Variants in DNAJC5B observed in about 807,000 individuals in gnomAD.
DNAJC5B encodes DnaJ heat shock protein family (Hsp40) member C5 beta, also known as dnaJ homolog subfamily C member 5B.
A neutral mutation model predicts 24.7 loss-of-function variants in DNAJC5B; 23 were observed. The ratio of observed to expected loss-of-function variants is 0.93; its 90% CI spans 0.67 to 1.32. DNAJC5B has a LOEUF of 1.32. DNAJC5B is among the 40% of genes most tolerant of loss of function. DNAJC5B has a pLI of 0.00. For synonymous variants in DNAJC5B, 101 were observed against 90.1 expected (o/e 1.12, Z -0.68); for missense variants, 238 against 240.8 (o/e 0.99, Z 0.08).
At chr8:66,095,443 C>G (rs1264420793) in intron 5 of DNAJC5B, among the ~76,000 whole-genome samples, 1 of 151,452 alleles carries the variant, frequency 6.6e-6, no homozygotes, top group Non-Finnish European at 1.5e-5. Flanking sequence ...CACCAGATGT[C>G]TTACAATATT....
At chr8:66,076,070 T>C (rs1807454730) in intron 3 of DNAJC5B, among the ~76,000 whole-genome samples, 1 of 152,316 alleles carries the variant, frequency 6.6e-6, no homozygotes, top group Non-Finnish European at 1.5e-5. Context: ...GATTATTAAG[T>C]GGAAAACCCT....
intron 3 of DNAJC5B, among the ~76,000 whole-genome samples, chr8:66,062,053 C>T (rs1457077938): frequency 6.6e-6 from 1 of 152,256 alleles, no homozygotes; most frequent in Admixed American, 6.5e-5. Context: ...ACAGTAGTTC[C>T]CTTGCTGCTT....
intron 1 of DNAJC5B, among the ~76,000 whole-genome samples, chr8:66,037,316 A>G (rs937873933): frequency 6.6e-6 from 1 of 152,160 alleles, no homozygotes; most frequent in Non-Finnish European, 1.5e-5. Flanking sequence ...GGCTCCTAAA[A>G]GGCTCTGGAA....
intron 3 of DNAJC5B, among the ~76,000 whole-genome samples, chr8:66,062,434 G>C (rs1237029852): frequency 1.3e-5 from 2 of 152,192 alleles, no homozygotes; most frequent in East Asian, 3.8e-4. Context: ...AAAACAGCCA[G>C]ATATGCAATT....
rs112318293 is a variant in DNAJC5B at position 66,059,854 on chromosome 8, T to C, written c.119+8188T>C. The stretch of plus-strand genomic sequence containing the variant: ...TCTGCTGCTGCAGCTCCCCTGCCAC[T>C]CAGCTGCATCACCCTGCCAGGCACG... On this transcript the variant is annotated intron_variant, in intron 3 of 5. Transcript: ENST00000276570. 1.8e-3 allele frequency among the ~76,000 whole-genome samples: 273 copies of C among 152,294 alleles called. 1 individual carries two copies. Among genetic ancestry groups the C allele is most frequent in the Non-Finnish European group, 3.5e-3 (235 of 67,994 alleles).
intron 2 of DNAJC5B, among the ~76,000 whole-genome samples, chr8:66,045,784 C>A (rs1259878852): frequency 6.6e-6 from 1 of 152,108 alleles, no homozygotes; most frequent in African/African-American, 2.4e-5. Flanking sequence ...CTGCAGGCTC[C>A]CCAGGGCTGC....
intron 5 of DNAJC5B, among the ~76,000 whole-genome samples, chr8:66,082,106 G>T (rs1807608888): frequency 1.3e-5 from 2 of 152,058 alleles, no homozygotes; most frequent in African/African-American, 4.8e-5. Flanking sequence ...GAGAGAAACT[G>T]TTACAAGATT....
At chr8:66,029,082 T>G (rs1028911035) in intron 1 of DNAJC5B, among the ~76,000 whole-genome samples, 1 of 152,242 alleles carries the variant, frequency 6.6e-6, no homozygotes, top group Non-Finnish European at 1.5e-5. Context: ...GCTTTTCTGA[T>G]AGTTGAACTC....
chr8:66,032,131 G>A (rs1372861309), intron 1 of DNAJC5B, among the ~76,000 whole-genome samples: 1 of 152,250 alleles, frequency 6.6e-6, no homozygotes, highest in African/African-American at 2.4e-5. Context: ...GCTAGTAAAT[G>A]GCAGGGCCAG....
intron 5 of DNAJC5B, among the ~76,000 whole-genome samples, chr8:66,086,942 A>G (rs1186883843): frequency 2.0e-5 from 3 of 152,198 alleles, no homozygotes; most frequent in Non-Finnish European, 2.9e-5. Context: ...AGTAATAGCT[A>G]CTTAACACTT....
intron 3 of DNAJC5B, among the ~76,000 whole-genome samples, chr8:66,064,908 T>A (rs1250813172): frequency 1.3e-5 from 2 of 152,160 alleles, no homozygotes; most frequent in African/African-American, 2.4e-5. Flanking sequence ...ATGAACTGGC[T>A]CTTAATCAGC....
chr8:66,051,808 G>C (rs1563595246), intron 3 of DNAJC5B, 142 bp downstream of exon 3: 1 of 667,232 alleles, frequency 1.5e-6, no homozygotes, highest in Non-Finnish European at 2.6e-6. Flanking sequence ...TACAACATAG[G>C]AGTTAGGAAT....
intron 5 of DNAJC5B, among the ~76,000 whole-genome samples, chr8:66,098,401 C>T (rs960280872): frequency 6.6e-6 from 1 of 151,854 alleles, no homozygotes; most frequent in Non-Finnish European, 1.5e-5. Context: ...CAGAGTTTCA[C>T]CATGTTGGCC....
intron 5 of DNAJC5B, among the ~76,000 whole-genome samples, chr8:66,082,395 T>A (rs1807616464): frequency 6.6e-6 from 1 of 152,152 alleles, no homozygotes. Context: ...TTTCCTGTTT[T>A]AAATTAGATA....
intron 5 of DNAJC5B, among the ~76,000 whole-genome samples, chr8:66,098,106 G>A (rs201456416): frequency 1.3e-5 from 2 of 152,042 alleles, no homozygotes; most frequent in Non-Finnish European, 1.5e-5. Flanking sequence ...TGCCTGCCTC[G>A]GCCTCCCAAA....
intron 1 of DNAJC5B, among the ~76,000 whole-genome samples, chr8:66,028,743 G>A (rs1001167826): frequency 1.3e-5 from 2 of 151,990 alleles, no homozygotes; most frequent in Non-Finnish European, 2.9e-5. Flanking sequence ...CCCTGGTCTG[G>A]GCCCTCATCT....
chr8:66,100,288 G>C lies in DNAJC5B; in HGVS notation c.*257G>C. On this transcript the variant is annotated 3_prime_UTR_variant, in exon 6 of 6. Coordinates refer to ENST00000276570, the MANE Select transcript of DNAJC5B (RefSeq NM_033105.6). ...TATTTTACCCTCCTTGCCTGATGTA[G>C]GACAGTGGAATTGTACAGCCTTTAT... is the stretch of plus-strand genomic sequence containing the variant. 1 of 336,050 alleles carries C rather than the reference G, an allele frequency of 3.0e-6. No homozygotes were observed. The highest frequency in any genetic ancestry group is 5.5e-6 in the Non-Finnish European group (1 of 181,416). The allele number at this position is 336,050 out of a possible 1,614,324, so 20.8% of individuals were successfully genotyped here.
Position 66,076,762 on chromosome 8 carries a change from TTCAA to T in DNAJC5B, c.223_226del (p.Ser75ArgfsTer45). ...ACGCCCACGCAATACTTACCGACAT[TTCAA>T]AGAGAAGCATATACGACAAGTACGG... On this transcript the variant is annotated frameshift_variant, in exon 4 of 6. Coordinates refer to ENST00000276570, the MANE Select transcript of DNAJC5B (RefSeq NM_033105.6). LOFTEE classifies it high-confidence loss of function. 1 of 1,614,166 alleles carries T rather than the reference TTCAA, an allele frequency of 6.2e-7. No individual in the cohort carries two copies. The highest frequency in any genetic ancestry group is 1.7e-5 in the Admixed American group (1 of 60,016).
intron 2 of DNAJC5B, among the ~76,000 whole-genome samples, chr8:66,047,448 T>C (rs896559884): frequency 2.0e-5 from 3 of 152,228 alleles, no homozygotes; most frequent in Admixed American, 6.5e-5. Flanking sequence ...CTCTTTAAGA[T>C]GATTTTATAA....
Sources: allele counts gnomAD v4.1 joint callset (sites outside exome capture counted in the v4.1 genomes callset), GRCh38; gene constraint gnomAD v4.1.1; transcripts MANE v1.5; gene names NCBI Gene and HGNC (gene_info 2026-07-23, HGNC 2026-07-21).